Variants in TCF4 observed in about 807,000 individuals in gnomAD.
TCF4 encodes SL3-3 enhancer factor 2.
Under a neutral mutation model 82.1 loss-of-function variants are expected in TCF4, and 3 were observed. The ratio of observed to expected loss-of-function variants is 0.04; its 90% CI spans 0.02 to 0.09. The LOEUF (loss-of-function observed/expected upper bound fraction) is 0.09, where lower values mean the gene tolerates loss of function less well. TCF4 is among the 10% of genes least tolerant of loss of function. The pLI is 1.00. For missense variants in TCF4, 518 were observed against 852.7 expected, an observed-to-expected ratio of 0.61 and a Z score of 4.89; for synonymous variants, 276 against 309.6, an observed-to-expected ratio of 0.89 and a Z score of 1.14.
chr18:55,587,931 G>C (rs896822840), intron 1 of TCF4, 107 bp downstream of exon 1: 4 of 799,788 alleles, frequency 5.0e-6, no homozygotes, highest in Non-Finnish European at 6.0e-6. Flanking sequence ...CGGGCGCCGG[G>C]AGCCCGCGGC....
At chr18:55,249,385 G>C (rs1049277568) in intron 15 of TCF4, among the ~76,000 whole-genome samples, 5 of 152,128 alleles carry the variant, frequency 3.3e-5, no homozygotes, top group African/African-American at 1.2e-4. Flanking sequence ...CACTTTTATT[G>C]GTGATTTCTG....
At chr18:55,586,458 T>C (rs753492624) in intron 2 of TCF4, among the ~76,000 whole-genome samples, 18 of 152,198 alleles carry the variant, frequency 1.2e-4, no homozygotes, top group Non-Finnish European at 2.2e-4. Flanking sequence ...TTTGTGCTGA[T>C]CCTACGACTA....
intron 11 of TCF4, chr18:55,265,552 G>C (rs886924708): frequency 6.6e-6 from 1 of 152,116 alleles, no homozygotes; most frequent in Non-Finnish European, 1.5e-5. Flanking sequence ...CTCTGCTGGT[G>C]GTCTTGGTAA....
chr18:55,608,666 G>C (rs2097704423), intron 2 of TCF4, among the ~76,000 whole-genome samples: 1 of 152,128 alleles, frequency 6.6e-6, no homozygotes, highest in Admixed American at 6.6e-5. Flanking sequence ...GACTAAGACA[G>C]CGTCCCGCCT....
At chr18:55,586,147 G>GCAGC in intron 2 of TCF4, 6 of 1,302,760 alleles carry the variant, frequency 4.6e-6, no homozygotes. Context: ...GGAGGAGGAG[G>GCAGC]AGGAGGAGCA....
chr18:55,394,445 G>A (rs749452848), intron 6 of TCF4, among the ~76,000 whole-genome samples: 8 of 152,090 alleles, frequency 5.3e-5, no homozygotes, highest in Non-Finnish European at 8.8e-5. Flanking sequence ...ATTGTTCATT[G>A]GAAGATGTCT....
At chr18:55,234,491 CA>C in intron 16 of TCF4, 56 bp downstream of exon 16, 1 of 1,611,862 alleles carries the variant, frequency 6.2e-7, no homozygotes. Context: ...GGCTGGGTAT[CA>C]ACACTGGTCC....
intron 8 of TCF4, among the ~76,000 whole-genome samples, chr18:55,315,600 T>C (rs1418505495): frequency 6.6e-6 from 1 of 152,128 alleles, no homozygotes; most frequent in African/African-American, 2.4e-5. Flanking sequence ...TCAAAACCAG[T>C]AAATTTCACC....
At chr18:55,480,864 G>T (rs2096411900) in intron 3 of TCF4, among the ~76,000 whole-genome samples, 1 of 152,142 alleles carries the variant, frequency 6.6e-6, no homozygotes, top group Non-Finnish European at 1.5e-5. Flanking sequence ...AACACTTCGG[G>T]AGGCTGAGGA....
intron 3 of TCF4, among the ~76,000 whole-genome samples, chr18:55,490,077 T>C (rs2096560353): frequency 6.6e-6 from 1 of 152,206 alleles, no homozygotes; most frequent in Non-Finnish European, 1.5e-5. Context: ...AATCCCCACA[T>C]TTTTAGTTAA....
chr18:55,386,872 G>A (rs7227184), intron 6 of TCF4, among the ~76,000 whole-genome samples: 153 of 152,282 alleles, frequency 1.0e-3, no homozygotes, highest in African/African-American at 3.6e-3. Context: ...TGGAATATAA[G>A]GGGTGCTCCA....
chr18:55,426,020 G>A (rs73477273), intron 5 of TCF4, among the ~76,000 whole-genome samples: 8,811 of 151,656 alleles, frequency 0.058, 434 homozygotes, highest in African/African-American at 0.13. Flanking sequence ...CTCTGAGATG[G>A]ATACAACCCA....
intron 11 of TCF4, chr18:55,267,350 C>T (rs2059409471): frequency 6.6e-6 from 1 of 152,030 alleles, no homozygotes; most frequent in Admixed American, 6.6e-5. Flanking sequence ...CCTATTAATC[C>T]ATACTGTTTG....
At chr18:55,251,269 G>A (rs1893431) in intron 15 of TCF4, among the ~76,000 whole-genome samples, 52,863 of 151,656 alleles carry the variant, frequency 0.35, 9,305 homozygotes, top group Middle Eastern at 0.41. Flanking sequence ...ATCATCCAGA[G>A]AGCTTGCAAG....
chr18:55,588,265 G>A (rs886053962), upstream of TCF4: 8 of 1,435,116 alleles, frequency 5.6e-6, no homozygotes, highest in Middle Eastern at 2.6e-4. Flanking sequence ...CGGAGGGAAG[G>A]GGGGAGGGGG....
chr18:55,436,835 G>GCAA (rs879510235), intron 5 of TCF4, among the ~76,000 whole-genome samples: 8 of 152,098 alleles, frequency 5.3e-5, no homozygotes, highest in Non-Finnish European at 1.0e-4. Context: ...AGACTGAACA[G>GCAA]CAACAACAAC....
At chr18:55,293,902 T>G (rs2146682469) in intron 8 of TCF4, among the ~76,000 whole-genome samples, 1 of 149,902 alleles carries the variant, frequency 6.7e-6, no homozygotes, top group Non-Finnish European at 1.5e-5. Flanking sequence ...TTTCATTAAA[T>G]GTATTTCATC....
At chr18:55,475,923 G>C (rs2096279185) in intron 3 of TCF4, among the ~76,000 whole-genome samples, 1 of 152,118 alleles carries the variant, frequency 6.6e-6, no homozygotes, top group Non-Finnish European at 1.5e-5. Context: ...GAAGGAATTT[G>C]GCCAAGATGA....
intron 6 of TCF4, among the ~76,000 whole-genome samples, chr18:55,384,482 C>T (rs149697324): frequency 1.3e-5 from 2 of 152,232 alleles, no homozygotes; most frequent in Admixed American, 1.3e-4. Flanking sequence ...ATGCAATATG[C>T]CTAGAAACAA....
Sources: gnomAD v4.1 joint callset for allele counts (sites outside exome capture counted in the v4.1 genomes callset) on GRCh38, gnomAD v4.1.1 for gene constraint, MANE v1.5 for transcripts, NCBI Gene and HGNC (gene_info 2026-07-23, HGNC 2026-07-21) for gene names.